Variants in ANO10 observed in about 807,000 individuals in gnomAD.
ANO10 encodes the protein anoctamin 10, also known as anoctamin-10.
ANO10 carries 77 observed loss-of-function variants against 74.7 expected under a neutral mutation model. The ratio of observed to expected loss-of-function variants is 1.03; its 90% CI spans 0.86 to 1.25. The LOEUF (loss-of-function observed/expected upper bound fraction) is 1.25. Ranked by LOEUF, ANO10 falls within the 50% of genes most tolerant of loss-of-function variation. ANO10 has a pLI of 0.00. For synonymous variants in ANO10, 279 were observed against 284.9 expected (o/e 0.98, Z 0.21); for missense variants, 721 against 778.1 (o/e 0.93, Z 0.87).
chr3:43,444,723 T>C (rs571904394), intron 11 of ANO10, among the ~76,000 whole-genome samples: 4 of 152,276 alleles, frequency 2.6e-5, no homozygotes, highest in African/African-American at 9.6e-5. Context: ...CGACCTCCTG[T>C]GGTCACCTGA....
intron 11 of ANO10, among the ~76,000 whole-genome samples, chr3:43,476,115 T>C: frequency 6.6e-6 from 1 of 152,238 alleles, no homozygotes; most frequent in East Asian, 1.9e-4. Flanking sequence ...TGTCATTTTA[T>C]AATGTTAACT....
chr3:43,366,595 T>A lies in ANO10; in HGVS notation c.*311A>T. On this transcript the variant is annotated 3_prime_UTR_variant, in exon 13 of 13. Coordinates refer to ENST00000292246, the MANE Select transcript of ANO10 (RefSeq NM_018075.5). ...GAGGGGAACGTGGAGAGCTGGTGGC[T>A]CACTCATGGTGAGAGGCTCAAGGGC... The A allele has an allele frequency of 2.2e-6, 1 of 463,604 alleles. No individual in the cohort carries two copies. Among genetic ancestry groups the A allele is most frequent in the Non-Finnish European group, 4.0e-6 (1 of 250,390 alleles). The allele number at this position is 463,604 out of a possible 1,614,324, so 28.7% of individuals were successfully genotyped here. A position where few individuals can be genotyped will look rare whatever the true frequency, so the allele number is the denominator to read the frequency against.
chr3:43,663,267 C>A (rs958445354), intron 1 of ANO10, among the ~76,000 whole-genome samples: 1 of 152,150 alleles, frequency 6.6e-6, no homozygotes, highest in Admixed American at 6.5e-5. Flanking sequence ...TAATCCATCA[C>A]ATAAACAGAA....
chr3:43,408,764 T>TC (rs1254118409), intron 12 of ANO10, among the ~76,000 whole-genome samples: 1 of 152,210 alleles, frequency 6.6e-6, no homozygotes, highest in African/African-American at 2.4e-5. Context: ...GCACAGTGGC[T>TC]CACGTTTGTA....
chr3:43,605,738 T>C lies in ANO10; in HGVS notation c.115A>G (p.Ile39Val). The C allele has an allele frequency of 1.9e-6, 3 of 1,613,676 alleles. No individual in the cohort carries two copies. Residue 39 changes from isoleucine (I) to valine (V), a missense_variant, in exon 2 of 13, where the codon ATT becomes GTT. Physicochemically the swap from Ile to Val is conservative, Grantham distance 29. Coordinates refer to ENST00000292246, the MANE Select transcript of ANO10 (RefSeq NM_018075.5). ...CCTCCATCTTTTTTTTTAGCTATAA[T>C]TCTGTTTTTCAGCCATTCTTTGGTT... The part of the protein sequence containing the change: ...EETKEWLKNR[I>V]IAKKKDGGAQ...
At chr3:43,389,921 C>T (rs996730990) in intron 12 of ANO10, among the ~76,000 whole-genome samples, 2 of 152,116 alleles carry the variant, frequency 1.3e-5, no homozygotes, top group African/African-American at 4.8e-5. Context: ...CAAAACAAAA[C>T]AAAACAAAAC....
intron 1 of ANO10, among the ~76,000 whole-genome samples, chr3:43,611,729 T>C (rs961237465): frequency 6.6e-6 from 1 of 152,194 alleles, no homozygotes; most frequent in South Asian, 2.1e-4. Flanking sequence ...CTAGTATAAA[T>C]AGAATATTAA....
chr3:43,377,180 G>A (rs961946933), intron 12 of ANO10, among the ~76,000 whole-genome samples: 8 of 152,116 alleles, frequency 5.3e-5, no homozygotes, highest in Non-Finnish European at 1.0e-4. Flanking sequence ...TGGACCTTCC[G>A]GGATCAGGTG....
In ANO10 at chr3:43,667,088, T is replaced by G. The variant is rs1168426506; in HGVS notation, c.-12+24429A>C. 2.3e-4 allele frequency among the ~76,000 whole-genome samples: 32 copies of G among 139,078 alleles called. 1 individual carries two copies. Among genetic ancestry groups the G allele is most frequent in the Admixed American group, 1.5e-3 (21 of 13,756 alleles). The allele number at this position is 139,078 out of a possible 152,430, so 91.2% of individuals were successfully genotyped here. On this transcript the variant is annotated intron_variant, in intron 1 of 3. Coordinates refer to the ANO10 transcript ENST00000413397. ...ACAATGCATGTTTTTTTTTTTTTTT[T>G]TTTTTTTTTTGTCTTTTCTTGAGAC...
intron 11 of ANO10, among the ~76,000 whole-genome samples, chr3:43,487,660 T>C (rs947922632): frequency 5.3e-5 from 8 of 152,194 alleles, no homozygotes; most frequent in Non-Finnish European, 1.0e-4. Flanking sequence ...ATCCCCTTTA[T>C]CATTTTTTAT....
upstream of ANO10, among the ~76,000 whole-genome samples, chr3:43,626,090 C>T (rs772349466): frequency 1.3e-5 from 2 of 151,998 alleles, no homozygotes; most frequent in Non-Finnish European, 2.9e-5. Context: ...TAAGCCACCA[C>T]ACCCAACTAA....
intron 11 of ANO10, among the ~76,000 whole-genome samples, chr3:43,500,282 C>T (rs2077053466): frequency 6.6e-6 from 1 of 152,152 alleles, no homozygotes; most frequent in African/African-American, 2.4e-5. Context: ...ATGCAGCAGT[C>T]CTTAAAACAG....
chr3:43,593,842 C>A (rs867366712), intron 4 of ANO10, among the ~76,000 whole-genome samples: 3 of 152,184 alleles, frequency 2.0e-5, no homozygotes, highest in South Asian at 2.1e-4. Flanking sequence ...CGAGACCCAT[C>A]AGTATGCTGT....
chr3:43,446,186 T>C (rs1575833217), intron 11 of ANO10, among the ~76,000 whole-genome samples: 1 of 152,226 alleles, frequency 6.6e-6, no homozygotes, highest in Admixed American at 6.5e-5. Context: ...ACAGAGCATG[T>C]GGATTCAGGA....
intron 12 of ANO10, among the ~76,000 whole-genome samples, chr3:43,414,435 G>A (rs1340125626): frequency 1.3e-5 from 2 of 152,064 alleles, no homozygotes; most frequent in Admixed American, 1.3e-4. Context: ...ATTCTGGCAT[G>A]AAAAGAGTAG....
At position 43,366,753 on chromosome 3, in the gene ANO10, G is replaced by A. The variant is rs952837822; in HGVS notation, c.*153C>T. 6.6e-6 allele frequency: 5 copies of A among 760,578 alleles called. No individual in the cohort carries two copies. The African/African-American group carries it at 8.6e-5, about 13-fold the overall frequency. The allele number at this position is 760,578 out of a possible 1,614,324, so 47.1% of individuals were successfully genotyped here. The stretch of plus-strand genomic sequence containing the variant: ...AGCCAAGCCACTGCGAAACTGAGAA[G>A]GGTGCTTGCCACATGGGAGCCACTT... On this transcript the variant is annotated 3_prime_UTR_variant, in exon 13 of 13. Coordinates refer to ENST00000292246, the MANE Select transcript of ANO10 (RefSeq NM_018075.5).
intron 1 of ANO10, among the ~76,000 whole-genome samples, chr3:43,643,548 G>C (rs1007738206): frequency 6.6e-6 from 1 of 151,810 alleles, no homozygotes; most frequent in Non-Finnish European, 1.5e-5. Context: ...CATTTCATAT[G>C]TGTAGGGAGT....
rs76571599 is a variant in ANO10, at chr3:43,559,823, T to G, written c.1476+1397A>C. On this transcript the variant is annotated intron_variant, in intron 9 of 12. Coordinates refer to ENST00000292246, the MANE Select transcript of ANO10 (RefSeq NM_018075.5). ...ATTTAACTTTTATCCCATAGTAAGC[T>G]AGCACTCAACCAATCCAGAAAGGAC... 5.5e-3 allele frequency among the ~76,000 whole-genome samples: 839 copies of G among 152,314 alleles called. 7 individuals are homozygous for G. Among genetic ancestry groups the G allele is most frequent in the African/African-American group, 0.019 (783 of 41,574 alleles).
chr3:43,563,251 C>G (rs1465738904), intron 8 of ANO10, among the ~76,000 whole-genome samples: 1 of 152,076 alleles, frequency 6.6e-6, no homozygotes, highest in South Asian at 2.1e-4. Flanking sequence ...ACATGCAAAT[C>G]AAAGCCACAA....
Sources: allele counts gnomAD v4.1 joint callset (sites outside exome capture counted in the v4.1 genomes callset), GRCh38; gene constraint gnomAD v4.1.1; transcripts MANE v1.5; gene names NCBI Gene and HGNC (gene_info 2026-07-23, HGNC 2026-07-21).